SHB: variants seen among roughly 807,000 people sequenced by gnomAD.
The protein encoded by SHB is SH2 domain-containing adapter protein B.
SHB carries 20 observed loss-of-function variants against 52.3 expected under a neutral mutation model. The ratio of observed to expected loss-of-function variants is 0.38; its 90% CI spans 0.27 to 0.56. SHB has a LOEUF of 0.56. Among genes scored for constraint, SHB ranks in the 20% least tolerant of loss-of-function variants. SHB has a pLI of 0.71. For synonymous variants in SHB, 397 were observed against 316.5 expected (o/e 1.25, Z -2.70); for missense variants, 825 against 723.3 (o/e 1.14, Z -1.61).
intron 3 of SHB, among the ~76,000 whole-genome samples, chr9:37,965,561 G>A (rs567995170): frequency 2.4e-4 from 36 of 149,658 alleles, no homozygotes; most frequent in Non-Finnish European, 4.1e-4. Flanking sequence ...CCTGAGACCC[G>A]ATTTACTCAA....
At chr9:37,938,194 G>A (rs984192261) in intron 5 of SHB, among the ~76,000 whole-genome samples, 15 of 152,158 alleles carry the variant, frequency 9.9e-5, no homozygotes, top group African/African-American at 3.1e-4. Flanking sequence ...CACTGCCATT[G>A]CAAATCTGGG....
chr9:38,047,622 G>C (rs1821674917), intron 1 of SHB, among the ~76,000 whole-genome samples: 1 of 152,254 alleles, frequency 6.6e-6, no homozygotes, highest in African/African-American at 2.4e-5. Context: ...CTGAGAAACA[G>C]CAGCAGATCA....
At chr9:38,020,213 T>C (rs1821264882) in intron 1 of SHB, among the ~76,000 whole-genome samples, 1 of 152,240 alleles carries the variant, frequency 6.6e-6, no homozygotes, top group African/African-American at 2.4e-5. Flanking sequence ...AAACTAAACT[T>C]GCTTAAAAGC....
At chr9:38,029,294 A>C (rs1821384656) in intron 1 of SHB, among the ~76,000 whole-genome samples, 2 of 152,206 alleles carry the variant, frequency 1.3e-5, no homozygotes, top group African/African-American at 4.8e-5. Context: ...GCAAAGCCAG[A>C]AGTCCTACCA....
At chr9:37,961,716 C>T (rs1832693847) in intron 3 of SHB, among the ~76,000 whole-genome samples, 1 of 152,240 alleles carries the variant, frequency 6.6e-6, no homozygotes, top group Admixed American at 6.5e-5. Context: ...AGCTATTCTT[C>T]AGAGCTCAGC....
chr9:38,068,299 C>T lies in SHB; in HGVS notation c.347G>A (p.Gly116Asp), dbSNP rs755853356. 3.3e-6 allele frequency: 5 copies of T among 1,493,464 alleles called. No homozygotes were observed. Among genetic ancestry groups the T allele is most frequent in the Non-Finnish European group, 4.4e-6 (5 of 1,126,818 alleles). 92.5% of individuals were successfully genotyped at this position (1,493,464 alleles called of 1,614,324 possible). ...LRAMCRLDYC[G>D]GSGEPGGVQR... ...GACCCCGCCTGGCTCCCCGCTGCCG[C>T]CGCAGTAGTCCAGGCGGCACATGGC... The change falls in exon 1 of 6, where the codon GGC (glycine) becomes GAC (aspartate). Residue 116 changes from glycine (G) to aspartate (D), a missense_variant. By Grantham distance (94) the Gly-to-Asp change is moderately conservative. Coordinates refer to ENST00000377707, the MANE Select transcript of SHB (RefSeq NM_003028.3).
At chr9:37,959,166 T>G (rs1266673363) in intron 3 of SHB, among the ~76,000 whole-genome samples, 1 of 152,108 alleles carries the variant, frequency 6.6e-6, no homozygotes, top group Non-Finnish European at 1.5e-5. Context: ...ACGGGAGGGA[T>G]GTAGAAGCTT....
intron 2 of SHB, among the ~76,000 whole-genome samples, chr9:37,979,714 T>C (rs938176702): frequency 1.3e-5 from 2 of 151,936 alleles, no homozygotes; most frequent in Admixed American, 6.5e-5. Context: ...CCCAGCACTT[T>C]GGGAGGCCAA....
chr9:37,958,587 T>C (rs530505965), intron 3 of SHB, among the ~76,000 whole-genome samples: 4 of 152,298 alleles, frequency 2.6e-5, no homozygotes, highest in Non-Finnish European at 2.9e-5. Flanking sequence ...CACAGTTCTT[T>C]CCTGTGTCCA....
intron 1 of SHB, among the ~76,000 whole-genome samples, chr9:38,022,236 G>A (rs1587248591): frequency 6.6e-6 from 1 of 152,186 alleles, no homozygotes; most frequent in African/African-American, 2.4e-5. Flanking sequence ...TCATAGGAAG[G>A]TCATGAAGCA....
chr9:37,954,289 A>C (rs1320745804), intron 4 of SHB, among the ~76,000 whole-genome samples: 1 of 152,208 alleles, frequency 6.6e-6, no homozygotes, highest in Non-Finnish European at 1.5e-5. Flanking sequence ...CATCCTGCTC[A>C]CCGAGTGAGA....
At position 38,068,318 on chromosome 9, in the gene SHB, A is replaced by G; in HGVS notation, c.328T>C (p.Cys110Arg). 6.5e-7 allele frequency: 1 copy of G among 1,528,768 alleles called. No individual in the cohort carries two copies. The highest frequency in any genetic ancestry group is 8.7e-7 in the Non-Finnish European group (1 of 1,143,282). The allele number at this position is 1,528,768 out of a possible 1,614,324, so 94.7% of individuals were successfully genotyped here. A position where few individuals can be genotyped will look rare whatever the true frequency, so the allele number is the denominator to read the frequency against. Reference sequence around the variant, plus strand: ...CTGCCGCCGCAGTAGTCCAGGCGGCACATGGCGCGCAGTTTGCGCAGCGAC... The same window carrying G: ...CTGCCGCCGCAGTAGTCCAGGCGGCGCATGGCGCGCAGTTTGCGCAGCGAC... ...GSSLRKLRAM[C>R]RLDYCGGSGE... Residue 110 changes from cysteine to arginine, a missense_variant, in exon 1 of 6, where the codon TGC becomes CGC. Physicochemically the swap from Cys to Arg is radical, Grantham distance 180. Transcript: ENST00000377707.
At chr9:37,970,881 C>T (rs1438597830) in intron 3 of SHB, among the ~76,000 whole-genome samples, 8 of 152,124 alleles carry the variant, frequency 5.3e-5, no homozygotes, top group Non-Finnish European at 1.2e-4. Context: ...CCACACTCTC[C>T]ACCCTTTGGA....
chr9:37,985,465 C>T (rs544202233), intron 2 of SHB, among the ~76,000 whole-genome samples: 1 of 152,394 alleles, frequency 6.6e-6, no homozygotes, highest in African/African-American at 2.4e-5. Context: ...CACTCTGCAT[C>T]TTCCAGTGAC....
intron 1 of SHB, among the ~76,000 whole-genome samples, chr9:38,063,648 C>G (rs949742715): frequency 1.3e-5 from 2 of 152,342 alleles, no homozygotes; most frequent in South Asian, 2.1e-4. Flanking sequence ...TATTGTCTCT[C>G]TGGTTGTATC....
intron 1 of SHB, among the ~76,000 whole-genome samples, chr9:38,067,001 C>T (rs1167468706): frequency 6.6e-6 from 1 of 152,028 alleles, no homozygotes; most frequent in African/African-American, 2.4e-5. Context: ...CACCAGAAGA[C>T]AGAACAAGTA....
intron 4 of SHB, among the ~76,000 whole-genome samples, chr9:37,953,432 T>C (rs1324667462): frequency 6.6e-6 from 1 of 152,056 alleles, no homozygotes; most frequent in Non-Finnish European, 1.5e-5. Flanking sequence ...TTTTTTTTTT[T>C]TACTTATGTT....
At chr9:37,974,507 C>T in intron 3 of SHB, 115 bp downstream of exon 3, 1 of 855,328 alleles carries the variant, frequency 1.2e-6, no homozygotes, top group Non-Finnish European at 1.8e-6. Context: ...GAAAAAAGAC[C>T]ACCCAACTGG....
intron 1 of SHB, among the ~76,000 whole-genome samples, chr9:38,058,229 C>G (rs976048376): frequency 6.6e-6 from 1 of 152,210 alleles, no homozygotes; most frequent in African/African-American, 2.4e-5. Flanking sequence ...CTCTTCCTGA[C>G]GGTTTTCCCC....
Sources: gnomAD v4.1 joint callset for allele counts (sites outside exome capture counted in the v4.1 genomes callset) on GRCh38, gnomAD v4.1.1 for gene constraint, MANE v1.5 for transcripts, NCBI Gene and HGNC (gene_info 2026-07-23, HGNC 2026-07-21) for gene names.